PPFIBP1: variants seen among roughly 807,000 people sequenced by gnomAD.
The protein encoded by PPFIBP1 is PPFIB scaffold protein 1.
PPFIBP1 carries 112 observed loss-of-function variants against 137.8 expected under a neutral mutation model. The ratio of observed to expected loss-of-function variants is 0.81; its 90% confidence interval spans 0.70 to 0.95. The LOEUF is 0.95. PPFIBP1 is among the 40% of genes least tolerant of loss of function. The pLI, the probability that PPFIBP1 is intolerant of heterozygous loss-of-function variation, is 0.00. For missense variants in PPFIBP1, 1,083 were observed against 1,196.6 expected (o/e 0.91, Z 1.40); for synonymous variants, 378 against 417.3 (o/e 0.91, Z 1.15).
intron 4 of PPFIBP1, among the ~76,000 whole-genome samples, chr12:27,644,345 T>G (rs1382485584): frequency 6.6e-6 from 1 of 150,572 alleles, no homozygotes; most frequent in Non-Finnish European, 1.5e-5. Flanking sequence ...CCTCCCGAAG[T>G]GCTGGAATTA....
intron 2 of PPFIBP1, among the ~76,000 whole-genome samples, chr12:27,603,324 A>G (rs185285325): frequency 6.6e-6 from 1 of 152,140 alleles, no homozygotes; most frequent in Admixed American, 6.5e-5. Flanking sequence ...ATGATTATAT[A>G]TGTGGGATGT....
intron 2 of PPFIBP1, among the ~76,000 whole-genome samples, chr12:27,596,339 A>G (rs2053305423): frequency 6.6e-6 from 1 of 152,152 alleles, no homozygotes; most frequent in Non-Finnish European, 1.5e-5. Flanking sequence ...TGATGACATG[A>G]TAGAAGAAAT....
chr12:27,608,607 C>A, intron 2 of PPFIBP1: 1 of 384,464 alleles, frequency 2.6e-6, no homozygotes, highest in Middle Eastern at 8.6e-4. Context: ...AGTTAGGATT[C>A]CCTCCTTCTT....
In PPFIBP1 at chr12:27,643,497, C is replaced by G. The variant is rs117693381; in HGVS notation, c.271-2565C>G. ...TAGCAAACAGTGAATTCAAGGAAGA[C>G]CTCACAGACCAAGCCCTGATAGAGG... On this transcript the variant is annotated intron_variant, in intron 4 of 29. Coordinates refer to ENST00000228425, the MANE Select transcript of PPFIBP1 (RefSeq NM_003622.4). Among the ~76,000 whole-genome samples the G allele has an allele frequency of 9.9e-4, 134 of 134,940 alleles. 13 individuals are homozygous for G. In the East Asian group the frequency reaches 0.014, roughly 15 times the overall value. 88.5% of individuals were successfully genotyped at this position (134,940 alleles called of 152,430 possible).
intron 2 of PPFIBP1, among the ~76,000 whole-genome samples, chr12:27,606,352 A>G (rs2054524533): frequency 6.6e-6 from 1 of 152,104 alleles, no homozygotes; most frequent in Non-Finnish European, 1.5e-5. Context: ...TCATGTACCC[A>G]CTTGGTAAGA....
intron 21 of PPFIBP1, 66 bp downstream of exon 21, chr12:27,680,127 G>T (rs1264495993): frequency 6.4e-7 from 1 of 1,572,496 alleles, no homozygotes; most frequent in African/African-American, 1.4e-5. Flanking sequence ...GAGTCCTGCA[G>T]TATTAGTACT....
intron 24 of PPFIBP1, among the ~76,000 whole-genome samples, chr12:27,684,075 C>T (rs2061050236): frequency 6.6e-6 from 1 of 151,880 alleles, no homozygotes; most frequent in Non-Finnish European, 1.5e-5. Flanking sequence ...GCGTGAGCCA[C>T]CGAGCCTGGC....
intron 2 of PPFIBP1, among the ~76,000 whole-genome samples, chr12:27,602,796 T>C (rs945079674): frequency 6.6e-6 from 1 of 152,204 alleles, no homozygotes; most frequent in Admixed American, 6.5e-5. Flanking sequence ...ATCACAAAAA[T>C]ACCCATGTTG....
intron 1 of PPFIBP1, among the ~76,000 whole-genome samples, chr12:27,551,900 C>A (rs936154182): frequency 6.6e-6 from 1 of 152,050 alleles, no homozygotes; most frequent in African/African-American, 2.4e-5. Context: ...ATAAGGAGAC[C>A]CATATTAGAA....
At chr12:27,600,333 G>A (rs2053827454) in intron 2 of PPFIBP1, among the ~76,000 whole-genome samples, 1 of 151,990 alleles carries the variant, frequency 6.6e-6, no homozygotes, top group South Asian at 2.1e-4. Flanking sequence ...CTACTTGGGA[G>A]GCTAAGGCAG....
At chr12:27,647,990 G>GCAT (rs2058645333) in intron 6 of PPFIBP1, 148 bp downstream of exon 6, 1 of 1,022,856 alleles carries the variant, frequency 9.8e-7, no homozygotes, top group African/African-American at 1.7e-5. Context: ...GAGAGTAGTA[G>GCAT]AGTCTCAAAA....
intron 2 of PPFIBP1, chr12:27,593,395 C>T (rs1475423965): frequency 8.8e-6 from 4 of 454,374 alleles, no homozygotes; most frequent in African/African-American, 2.0e-5. Flanking sequence ...CATCTCTGTG[C>T]TCACCTCAGC....
chr12:27,677,253 G>T, intron 19 of PPFIBP1, 157 bp downstream of exon 19: 2 of 849,614 alleles, frequency 2.4e-6, no homozygotes, highest in Non-Finnish European at 3.7e-6. Context: ...TGCTAAAAAG[G>T]ACTCTGTAGA....
At chr12:27,616,007 G>A (rs1241346329) in intron 2 of PPFIBP1, among the ~76,000 whole-genome samples, 2 of 152,176 alleles carry the variant, frequency 1.3e-5, no homozygotes, top group African/African-American at 2.4e-5. Context: ...TATAAAAAGG[G>A]AATAATAGTA....
At chr12:27,688,975 T>G in intron 26 of PPFIBP1, 40 bp from the exon 27 acceptor site, 2 of 1,573,588 alleles carry the variant, frequency 1.3e-6, no homozygotes, top group Non-Finnish European at 1.7e-6. Context: ...GTATGATTTG[T>G]GGTGACTTTT....
At chr12:27,580,125 G>A (rs926958356) in intron 2 of PPFIBP1, among the ~76,000 whole-genome samples, 7 of 152,090 alleles carry the variant, frequency 4.6e-5, no homozygotes, top group Non-Finnish European at 1.0e-4. Flanking sequence ...TGTGAGACCC[G>A]ATGTGTCTAG....
chr12:27,682,449 A>T lies in PPFIBP1; in HGVS notation c.2109A>T (p.Gly703=), dbSNP rs1345059431. Reference sequence around the variant, plus strand: ...TCCAGCTAGCACTCCAAGCCCTGGGATCTGAAGAAGAAACCAATCATGGGA... The same window carrying T: ...TCCAGCTAGCACTCCAAGCCCTGGGTTCTGAAGAAGAAACCAATCATGGGA... ...KKLQLALQAL[G]SEEETNHGKL... Residue 703 remains glycine (G), a synonymous_variant, in exon 23 of 30, where the codon GGA becomes GGT. Transcript: ENST00000228425. The T allele has an allele frequency of 6.2e-7, 1 of 1,614,048 alleles. No individual in the cohort carries two copies. The highest frequency in any genetic ancestry group is 2.2e-5 in the East Asian group (1 of 44,894).
chr12:27,681,831 A>C, intron 22 of PPFIBP1, 135 bp downstream of exon 22: 1 of 935,266 alleles, frequency 1.1e-6, no homozygotes, highest in Non-Finnish European at 1.5e-6. Flanking sequence ...TGGGTTTTCA[A>C]TTGCTTCATG....
At chr12:27,607,998 T>C (rs559149125) in intron 2 of PPFIBP1, among the ~76,000 whole-genome samples, 1 of 152,338 alleles carries the variant, frequency 6.6e-6, no homozygotes, top group South Asian at 2.1e-4. Flanking sequence ...CAAAATTATG[T>C]ACTGAAACTC....
Sources: allele counts gnomAD v4.1 joint callset (sites outside exome capture counted in the v4.1 genomes callset), GRCh38; gene constraint gnomAD v4.1.1; transcripts MANE v1.5; gene names NCBI Gene and HGNC (gene_info 2026-07-23, HGNC 2026-07-21).